The following CAMK2D variants were observed in gnomAD, a reference collection of about 807,000 sequenced individuals.
The protein encoded by CAMK2D is calcium/calmodulin-dependent protein kinase type II subunit delta.
In CAMK2D, 37 loss-of-function variants were observed where a neutral mutation model predicts 84.0. The observed-to-expected ratio is 0.44, with a 90% CI of 0.34 to 0.58. The LOEUF is 0.58. Ranked by LOEUF, CAMK2D falls within the 20% of genes least tolerant of loss-of-function variation. CAMK2D has a pLI of 0.02. For missense variants in CAMK2D, 448 were observed against 652.5 expected, an observed-to-expected ratio of 0.69 and a Z score of 3.41; for synonymous variants, 202 against 212.5, an observed-to-expected ratio of 0.95 and a Z score of 0.43.
intron 12 of CAMK2D, among the ~76,000 whole-genome samples, chr4:113,511,856 C>T (rs189798967): frequency 2.6e-5 from 4 of 152,194 alleles, no homozygotes; most frequent in Admixed American, 2.6e-4. Flanking sequence ...CTTTGAAAGG[C>T]CTCTTATGGT....
chr4:113,459,776 G>A (rs1053345505), intron 18 of CAMK2D, among the ~76,000 whole-genome samples: 6 of 151,384 alleles, frequency 4.0e-5, no homozygotes, highest in African/African-American at 9.7e-5. Context: ...ACAGGTGTGC[G>A]CCACCATGCC....
intron 4 of CAMK2D, among the ~76,000 whole-genome samples, chr4:113,588,122 A>G (rs190905422): frequency 3.0e-4 from 45 of 152,294 alleles, no homozygotes; most frequent in Non-Finnish European, 5.9e-4. Context: ...GAGAAAATAT[A>G]TTAATCCATG....
At chr4:113,745,635 G>A (rs893119165) in intron 2 of CAMK2D, among the ~76,000 whole-genome samples, 1 of 152,102 alleles carries the variant, frequency 6.6e-6, no homozygotes, top group Non-Finnish European at 1.5e-5. Context: ...AGTAGATATA[G>A]GCTGTCACAT....
At chr4:113,526,228 A>G (rs1212069633) in intron 8 of CAMK2D, among the ~76,000 whole-genome samples, 1 of 152,198 alleles carries the variant, frequency 6.6e-6, no homozygotes, top group Admixed American at 6.5e-5. Context: ...CACAGTCTCT[A>G]AAGAAATGGA....
chr4:113,713,833 C>T (rs2099502942), intron 2 of CAMK2D, among the ~76,000 whole-genome samples: 1 of 151,556 alleles, frequency 6.6e-6, no homozygotes, highest in Non-Finnish European at 1.5e-5. Context: ...CAGGCTGTGG[C>T]TTACATATTT....
At chr4:113,570,360 C>T (rs1441624347) in intron 4 of CAMK2D, among the ~76,000 whole-genome samples, 1 of 152,078 alleles carries the variant, frequency 6.6e-6, no homozygotes, top group Admixed American at 6.5e-5. Flanking sequence ...GCAAAGAGAA[C>T]AAAGCTGAAA....
rs766894016 is a variant in CAMK2D, at chr4:113,513,915, TAGA to T, written c.820-5_820-3del. Reference sequence around the variant, plus strand: ...CATGGAAGCAACAGTAGAACGTTGCTAGAAGAAGAGGAGAAAAAGTAACTTAAT... The same window carrying T: ...CATGGAAGCAACAGTAGAACGTTGCTAGAAGAGGAGAAAAAGTAACTTAAT... On this transcript the variant is annotated splice_polypyrimidine_tract_variant and splice_region_variant and intron_variant, in intron 10 of 20. Coordinates refer to ENST00000511664, the MANE Select transcript of CAMK2D (RefSeq NM_001321571.2). The T allele has an allele frequency of 1.1e-4, 162 of 1,506,458 alleles. No individual in the cohort carries two copies. The highest frequency in any genetic ancestry group is 1.3e-4 in the Non-Finnish European group (145 of 1,092,012). 93.3% of individuals were successfully genotyped at this position (1,506,458 alleles called of 1,614,324 possible). A position where few individuals can be genotyped will look rare whatever the true frequency, so the allele number is the denominator to read the frequency against.
At chr4:113,519,319 T>C (rs570282445) in intron 8 of CAMK2D, among the ~76,000 whole-genome samples, 1 of 152,336 alleles carries the variant, frequency 6.6e-6, no homozygotes, top group South Asian at 2.1e-4. Context: ...ATGAATTATG[T>C]CTGCAGTTGA....
At position 113,571,419 on chromosome 4, in the gene CAMK2D, T is replaced by C. The variant is rs2098752980; in HGVS notation, c.276-19323A>G. On this transcript the variant is annotated intron_variant, in intron 4 of 20. Transcript: ENST00000511664. The stretch of plus-strand genomic sequence containing the variant: ...AACAGATGTGTGGATAAAGATAATA[T>C]GGCATATAAAGACAATGGAATACTA... Among the ~76,000 whole-genome samples the C allele has an allele frequency of 2.0e-5, 3 of 152,158 alleles. No individual in the cohort carries two copies. In the South Asian group the frequency reaches 6.2e-4, roughly 31 times the overall value.
chr4:113,497,014 G>A (rs2097943245), intron 16 of CAMK2D, among the ~76,000 whole-genome samples: 1 of 151,990 alleles, frequency 6.6e-6, no homozygotes, highest in Non-Finnish European at 1.5e-5. Context: ...TGTGGTTAGA[G>A]CTAAATGTTG....
chr4:113,510,764 C>T (rs2098201151), intron 12 of CAMK2D, among the ~76,000 whole-genome samples: 3 of 152,168 alleles, frequency 2.0e-5, no homozygotes, highest in South Asian at 4.1e-4. Flanking sequence ...ATGTAATTTC[C>T]TGACATTCAT....
intron 2 of CAMK2D, among the ~76,000 whole-genome samples, chr4:113,720,781 C>T (rs1407479519): frequency 6.6e-6 from 1 of 152,018 alleles, no homozygotes; most frequent in Non-Finnish European, 1.5e-5. Flanking sequence ...TTCAAAATAA[C>T]TGGCATATTC....
At chr4:113,550,999 C>G (rs553451406) in intron 5 of CAMK2D, among the ~76,000 whole-genome samples, 1 of 152,156 alleles carries the variant, frequency 6.6e-6, no homozygotes, top group East Asian at 1.9e-4. Flanking sequence ...AGCTGGACAT[C>G]TGTTGAGGGT....
intron 16 of CAMK2D, 82 bp from the exon 17 acceptor site, chr4:113,465,686 A>T: frequency 1.2e-6 from 1 of 864,316 alleles, no homozygotes; most frequent in Non-Finnish European, 1.9e-6. Flanking sequence ...AATTTTTGAG[A>T]TAGGGTCTCA....
intron 5 of CAMK2D, 68 bp from the exon 6 acceptor site, chr4:113,547,784 G>C: frequency 2.0e-6 from 2 of 1,010,732 alleles, no homozygotes. Context: ...TACCCTCAGA[G>C]AGACTGGGTT....
chr4:113,469,226 T>A (rs1179691454), intron 16 of CAMK2D, among the ~76,000 whole-genome samples: 1 of 152,182 alleles, frequency 6.6e-6, no homozygotes, highest in Non-Finnish European at 1.5e-5. Context: ...CAACATTTCC[T>A]CAAACATTAG....
At chr4:113,691,957 A>T (rs917053979) in intron 2 of CAMK2D, among the ~76,000 whole-genome samples, 10 of 152,168 alleles carry the variant, frequency 6.6e-5, no homozygotes, top group African/African-American at 2.4e-4. Context: ...TGAGAAAAGG[A>T]CAAAGAAAAA....
chr4:113,681,446 T>C (rs1331764275), intron 2 of CAMK2D, among the ~76,000 whole-genome samples: 3 of 152,202 alleles, frequency 2.0e-5, no homozygotes, highest in African/African-American at 7.2e-5. Flanking sequence ...TCCACCATGA[T>C]TGTAAGTTTC....
At chr4:113,723,896 A>G (rs2099538402) in intron 2 of CAMK2D, among the ~76,000 whole-genome samples, 1 of 152,138 alleles carries the variant, frequency 6.6e-6, no homozygotes, top group Non-Finnish European at 1.5e-5. Flanking sequence ...TCTGCAATTA[A>G]TATTTACTTT....
Sources: gnomAD v4.1 joint callset for allele counts (sites outside exome capture counted in the v4.1 genomes callset) on GRCh38, gnomAD v4.1.1 for gene constraint, MANE v1.5 for transcripts, NCBI Gene and HGNC (gene_info 2026-07-23, HGNC 2026-07-21) for gene names.